The following NRG3 variants were observed in gnomAD, a reference collection of about 807,000 sequenced individuals.
NRG3 encodes neuregulin 3, also known as pro-neuregulin-3, membrane-bound isoform.
NRG3 carries 31 observed loss-of-function variants against 66.9 expected under a neutral mutation model. The ratio of observed to expected loss-of-function variants is 0.46; its 90% CI spans 0.35 to 0.63. The LOEUF is 0.63. NRG3 is among the 20% of genes least tolerant of loss of function. The pLI is 0.00. For missense variants in NRG3, 910 were observed against 878.9 expected (o/e 1.04, Z -0.45); for synonymous variants, 393 against 359.4 (o/e 1.09, Z -1.06).
chr10:82,815,464 G>A (rs143647383), intron 3 of NRG3, among the ~76,000 whole-genome samples: 61 of 152,164 alleles, frequency 4.0e-4, no homozygotes, highest in African/African-American at 1.4e-3. Flanking sequence ...AATTTTTTGT[G>A]TCTACTACCT....
At chr10:82,337,112 A>T (rs1254865988) in intron 1 of NRG3, among the ~76,000 whole-genome samples, 1 of 152,236 alleles carries the variant, frequency 6.6e-6, no homozygotes, top group Non-Finnish European at 1.5e-5. Context: ...TAAACTGGAA[A>T]CATAAAAAAG....
At chr10:82,650,213 G>A (rs1394984034) in intron 2 of NRG3, among the ~76,000 whole-genome samples, 1 of 152,016 alleles carries the variant, frequency 6.6e-6, no homozygotes, top group East Asian at 1.9e-4. Flanking sequence ...CCCTTTACAG[G>A]CCATGTAGTA....
intron 3 of NRG3, among the ~76,000 whole-genome samples, chr10:82,855,148 G>T (rs955239595): frequency 6.6e-6 from 1 of 152,092 alleles, no homozygotes; most frequent in African/African-American, 2.4e-5. Flanking sequence ...CTTAAAATAT[G>T]TCCATCATTT....
intron 3 of NRG3, among the ~76,000 whole-genome samples, chr10:82,861,619 G>A (rs535676945): frequency 6.6e-5 from 10 of 152,330 alleles, no homozygotes; most frequent in Admixed American, 3.9e-4. Flanking sequence ...TCCGGAGGCA[G>A]AGCATTGAAG....
At chr10:82,664,557 A>G (rs73297769) in intron 2 of NRG3, among the ~76,000 whole-genome samples, 5,441 of 152,310 alleles carry the variant, frequency 0.036, 200 homozygotes, top group African/African-American at 0.094. Context: ...TAAAGTTATC[A>G]TATTAGCAAC....
At chr10:82,520,188 G>T (rs1431337275) in intron 2 of NRG3, among the ~76,000 whole-genome samples, 1 of 148,446 alleles carries the variant, frequency 6.7e-6, no homozygotes, top group East Asian at 2.0e-4. Context: ...TCTAGTATGA[G>T]CCCTGTAAAT....
chr10:82,829,227 G>A (rs1435878256), intron 3 of NRG3, among the ~76,000 whole-genome samples: 2 of 152,104 alleles, frequency 1.3e-5, no homozygotes, highest in Non-Finnish European at 2.9e-5. Context: ...TCTGATTGGA[G>A]CACAGTGCAG....
At chr10:82,770,327 C>A (rs2135164393) in intron 3 of NRG3, among the ~76,000 whole-genome samples, 1 of 152,240 alleles carries the variant, frequency 6.6e-6, no homozygotes, top group East Asian at 1.9e-4. Context: ...TATCAAGAAT[C>A]TTAGCAGAGT....
intron 3 of NRG3, among the ~76,000 whole-genome samples, chr10:82,846,088 T>C (rs951712344): frequency 6.6e-6 from 1 of 152,146 alleles, no homozygotes; most frequent in Non-Finnish European, 1.5e-5. Context: ...TCCTAGTATT[T>C]TCATCCTGTT....
chr10:81,876,352 G>A (rs1256894356), intron 1 of NRG3, among the ~76,000 whole-genome samples, 189 bp downstream of exon 1: 2 of 152,312 alleles, frequency 1.3e-5, no homozygotes, highest in East Asian at 3.9e-4. Context: ...GGTTCTGGGG[G>A]GGTGGGGGCG....
rs546123208 is a variant in NRG3, at chr10:82,446,583, G to C, written c.953+87715G>C. Among the ~76,000 whole-genome samples, 4 of 152,222 alleles carry C rather than the reference G, an allele frequency of 2.6e-5. No individual in the cohort carries two copies. The South Asian group carries it at 8.3e-4, about 32-fold the overall frequency. ...TCTCACTTATAAGTGGGAGCTGAAC[G>C]ATGCGAACACATGGACACATTGGGG... On this transcript the variant is annotated intron_variant, in intron 2 of 8. Coordinates refer to ENST00000372141, the MANE Select transcript of NRG3 (RefSeq NM_001010848.4).
At chr10:82,079,285 G>C (rs571314363) in intron 1 of NRG3, among the ~76,000 whole-genome samples, 2 of 151,982 alleles carry the variant, frequency 1.3e-5, no homozygotes, top group Non-Finnish European at 2.9e-5. Flanking sequence ...TGATCCACCC[G>C]CCTCAGCCTC....
intron 2 of NRG3, among the ~76,000 whole-genome samples, chr10:82,657,501 C>T (rs550410626): frequency 6.6e-6 from 1 of 151,932 alleles, no homozygotes; most frequent in South Asian, 2.1e-4. Flanking sequence ...ATTGGTAGCC[C>T]ATGGTGATGG....
At chr10:82,426,186 AG>A (rs1219546138) in intron 2 of NRG3, among the ~76,000 whole-genome samples, 1 of 152,130 alleles carries the variant, frequency 6.6e-6, no homozygotes, top group African/African-American at 2.4e-5. Flanking sequence ...ACAACACCAG[AG>A]GTTTTTCTCC....
At chr10:82,968,653 A>G (rs899136083) in intron 6 of NRG3, among the ~76,000 whole-genome samples, 5 of 96,416 alleles carry the variant, frequency 5.2e-5, no homozygotes, top group Non-Finnish European at 7.9e-5. Flanking sequence ...GGAAGGGAGG[A>G]AGGGAGGCAG....
chr10:82,957,003 G>C (rs963329508), intron 5 of NRG3, among the ~76,000 whole-genome samples: 7 of 151,974 alleles, frequency 4.6e-5, no homozygotes, highest in Non-Finnish European at 1.0e-4. Flanking sequence ...TTCAAAATGG[G>C]TAATGAAGCT....
intron 1 of NRG3, among the ~76,000 whole-genome samples, chr10:81,979,016 C>T (rs951993575): frequency 6.6e-6 from 1 of 151,982 alleles, no homozygotes. Flanking sequence ...TGATGAAACC[C>T]CGTCTCTATT....
intron 2 of NRG3, among the ~76,000 whole-genome samples, chr10:82,713,331 C>T (rs1195738733): frequency 2.0e-5 from 3 of 151,912 alleles, no homozygotes; most frequent in Admixed American, 1.3e-4. Flanking sequence ...AGGATAGAAA[C>T]ATGGAGACCA....
At chr10:82,373,190 A>G (rs2085002056) in intron 2 of NRG3, among the ~76,000 whole-genome samples, 1 of 152,248 alleles carries the variant, frequency 6.6e-6, no homozygotes, top group Non-Finnish European at 1.5e-5. Context: ...CAACACATGC[A>G]TACAGCAGAG....
Sources: allele counts gnomAD v4.1 joint callset (sites outside exome capture counted in the v4.1 genomes callset), GRCh38; gene constraint gnomAD v4.1.1; transcripts MANE v1.5; gene names NCBI Gene and HGNC (gene_info 2026-07-23, HGNC 2026-07-21).